LRP1B: variants seen among roughly 807,000 people sequenced by gnomAD.
The protein encoded by LRP1B is low-density lipoprotein receptor-related protein 1B.
LRP1B carries 217 observed loss-of-function variants against 556.6 expected under a neutral mutation model. That is an observed-to-expected ratio of 0.39 (90% CI 0.35 to 0.44). LRP1B has a LOEUF of 0.44. Ranked by LOEUF, LRP1B falls within the 20% of genes least tolerant of loss-of-function variation. The pLI, the probability that LRP1B is intolerant of heterozygous loss-of-function variation, is 1.00. For synonymous variants in LRP1B, 2,047 were observed against 1,865.8 expected (o/e 1.10, Z -2.50); for missense variants, 5,053 against 5,620.8 (o/e 0.90, Z 3.23).
At chr2:140,377,690 C>G (rs1683295821) in intron 68 of LRP1B, among the ~76,000 whole-genome samples, 1 of 152,028 alleles carries the variant, frequency 6.6e-6, no homozygotes, top group African/African-American at 2.4e-5. Flanking sequence ...TGTACATAGG[C>G]CTTATTATAA....
In LRP1B at chr2:140,487,709, C is replaced by G; in HGVS notation, c.9151G>C (p.Asp3051His). 2 of 1,574,760 alleles carry G rather than the reference C, an allele frequency of 1.3e-6. No homozygotes were observed. The change falls in exon 58 of 91, where the codon GAT becomes CAT. Residue 3051 changes from aspartate to histidine, a missense_variant. Around this residue, in one of 5 missense-constraint regions of LRP1B, gnomAD observed 3,619 missense variants for 3,931.9 expected, o/e 0.92. Coordinates refer to ENST00000389484, the MANE Select transcript of LRP1B (RefSeq NM_018557.3). ...CAATAGATGAATTCTTCTCTGTAAT[C>G]AAAGTCTATAGCAATAACATTGTTT... ...GLNNVIAIDF[D>H]YREEFIYWID...
At chr2:141,663,507 A>G (rs1445365319) in intron 2 of LRP1B, among the ~76,000 whole-genome samples, 1 of 152,204 alleles carries the variant, frequency 6.6e-6, no homozygotes, top group Non-Finnish European at 1.5e-5. Context: ...TAACGAGAAT[A>G]TCACCACTGA....
At chr2:141,545,029 T>C (rs1416673196) in intron 2 of LRP1B, among the ~76,000 whole-genome samples, 1 of 152,188 alleles carries the variant, frequency 6.6e-6, no homozygotes, top group Non-Finnish European at 1.5e-5. Context: ...ACAACACTAA[T>C]ATGAGGTTTG....
chr2:141,806,284 T>A (rs1696165620), intron 2 of LRP1B, among the ~76,000 whole-genome samples: 1 of 152,070 alleles, frequency 6.6e-6, no homozygotes, highest in Non-Finnish European at 1.5e-5. Context: ...TTATTTTCAT[T>A]CTCATCACAT....
intron 43 of LRP1B, among the ~76,000 whole-genome samples, chr2:140,591,616 A>G (rs1682229006): frequency 6.6e-6 from 1 of 152,194 alleles, no homozygotes; most frequent in African/African-American, 2.4e-5. Flanking sequence ...GATGATAGCT[A>G]TATAGTCTAG....
chr2:140,946,523 C>T (rs1206138834), intron 20 of LRP1B, among the ~76,000 whole-genome samples: 1 of 152,008 alleles, frequency 6.6e-6, no homozygotes, highest in African/African-American at 2.4e-5. Flanking sequence ...GTTGCGTGAA[C>T]CCAGGAGGTG....
At chr2:140,276,733 T>C (rs1375739521) in intron 84 of LRP1B, among the ~76,000 whole-genome samples, 1 of 152,002 alleles carries the variant, frequency 6.6e-6, no homozygotes, top group East Asian at 1.9e-4. Flanking sequence ...AGAAGTCTAG[T>C]GATGTTTCTT....
chr2:141,817,651 T>C (rs1342804377), intron 1 of LRP1B, among the ~76,000 whole-genome samples: 1 of 152,138 alleles, frequency 6.6e-6, no homozygotes, highest in African/African-American at 2.4e-5. Context: ...TGTCAAATAC[T>C]AAAACTATCA....
At chr2:140,614,176 C>T (rs143969220) in intron 41 of LRP1B, among the ~76,000 whole-genome samples, 1 of 152,070 alleles carries the variant, frequency 6.6e-6, no homozygotes, top group Non-Finnish European at 1.5e-5. Context: ...CACTCAGTCA[C>T]CTCTGTACAA....
chr2:140,717,503 A>G (rs757605061), intron 35 of LRP1B, among the ~76,000 whole-genome samples: 1 of 152,098 alleles, frequency 6.6e-6, no homozygotes, highest in Non-Finnish European at 1.5e-5. Context: ...TTTATATAAG[A>G]GTACTTTTTG....
chr2:140,254,914 G>A (rs1465531593), intron 86 of LRP1B, among the ~76,000 whole-genome samples: 1 of 152,022 alleles, frequency 6.6e-6, no homozygotes, highest in Non-Finnish European at 1.5e-5. Context: ...AAGCTTTCTT[G>A]GGACGTTGTG....
At chr2:140,953,061 A>T (rs567602805) in intron 18 of LRP1B, among the ~76,000 whole-genome samples, 2 of 152,240 alleles carry the variant, frequency 1.3e-5, no homozygotes, top group Admixed American at 6.5e-5. Flanking sequence ...ATATACTGAA[A>T]TAGACCTATG....
chr2:141,627,827 A>G (rs1688757836), intron 2 of LRP1B, among the ~76,000 whole-genome samples: 1 of 152,194 alleles, frequency 6.6e-6, no homozygotes, highest in Admixed American at 6.5e-5. Flanking sequence ...ATTATAACAA[A>G]TGCATCACCC....
Position 141,304,849 on chromosome 2 carries a change from A to G in LRP1B, c.344-50208T>C, listed in dbSNP as rs540823824. Among the ~76,000 whole-genome samples the G allele has an allele frequency of 4.6e-5, 7 of 152,140 alleles. No individual in the cohort carries two copies. The East Asian group carries it at 7.7e-4, about 17-fold the overall frequency. On this transcript the variant is annotated intron_variant, in intron 3 of 90. Coordinates refer to ENST00000389484, the MANE Select transcript of LRP1B (RefSeq NM_018557.3). ...ATACTCAGTTTTCCCAGCACTATTT[A>G]TTCAAAAGGGTATCTTTCCTTGATG...
intron 66 of LRP1B, among the ~76,000 whole-genome samples, chr2:140,436,268 A>C (rs1686175922): frequency 6.6e-6 from 1 of 152,204 alleles, no homozygotes; most frequent in African/African-American, 2.4e-5. Context: ...CTATTTTAAA[A>C]GTTTAGAAAT....
At chr2:140,265,490 T>C in intron 86 of LRP1B, among the ~76,000 whole-genome samples, 1 of 152,038 alleles carries the variant, frequency 6.6e-6, no homozygotes, top group East Asian at 1.9e-4. Context: ...ATTTATTCCT[T>C]AAATTGAAGG....
At chr2:140,764,802 T>C (rs1362217333) in intron 35 of LRP1B, among the ~76,000 whole-genome samples, 1 of 152,142 alleles carries the variant, frequency 6.6e-6, no homozygotes, top group South Asian at 2.1e-4. Context: ...TATATTAGCA[T>C]CTATCGTTAA....
At chr2:140,781,843 A>G (rs981907197) in intron 32 of LRP1B, among the ~76,000 whole-genome samples, 19 of 152,190 alleles carry the variant, frequency 1.2e-4, no homozygotes, top group Non-Finnish European at 2.1e-4. Context: ...GCTCCTCTAC[A>G]GATAGAATGA....
chr2:142,120,198 G>A (rs925269055), intron 1 of LRP1B, among the ~76,000 whole-genome samples: 8 of 152,112 alleles, frequency 5.3e-5, no homozygotes, highest in Admixed American at 5.2e-4. Flanking sequence ...TGCAACCTCT[G>A]CTTACCAGGC....
Sources: gnomAD v4.1 joint callset for allele counts (sites outside exome capture counted in the v4.1 genomes callset) on GRCh38, gnomAD v4.1.1 for gene constraint, gnomAD v4.1.1 regional missense constraint, MANE v1.5 for transcripts, NCBI Gene and HGNC (gene_info 2026-07-23, HGNC 2026-07-21) for gene names.